The following NLRP5 variants were observed in gnomAD, a reference collection of about 807,000 sequenced individuals.
NLRP5 encodes NACHT, LRR and PYD domains-containing protein 5.
In NLRP5, 93 loss-of-function variants were observed where a neutral mutation model predicts 113.1. The ratio of observed to expected loss-of-function variants is 0.82; its 90% CI spans 0.70 to 0.98. NLRP5 has a LOEUF of 0.98. NLRP5 is among the 50% of genes least tolerant of loss of function. The pLI is 0.00. For missense variants in NLRP5, 1,808 were observed against 1,514.3 expected (o/e 1.19, Z -3.22); for synonymous variants, 751 against 600.7 (o/e 1.25, Z -3.66).
At chr19:56,050,297 A>T in intron 11 of NLRP5, 121 bp from the exon 12 acceptor site, 5 of 949,048 alleles carry the variant, frequency 5.3e-6, no homozygotes, top group Non-Finnish European at 7.7e-6. Context: ...AAGAAAAAAA[A>T]ACAAATATGA....
At position 56,034,385 on chromosome 19, in the gene NLRP5, T is replaced by C. The variant is rs1983236114; in HGVS notation, c.2615+676T>C. ...TGGGCAACAAGAGCAAAACTCTGTC[T>C]CAAAGGAAAAAAAGTGCCCTTCTGG... On this transcript the variant is annotated intron_variant, in intron 9 of 14. Coordinates refer to ENST00000390649, the MANE Select transcript of NLRP5 (RefSeq NM_153447.4). Among the ~76,000 whole-genome samples, 3 of 152,280 alleles carry C rather than the reference T, an allele frequency of 2.0e-5. No individual in the cohort carries two copies. In the South Asian group the frequency reaches 6.2e-4, roughly 32 times the overall value.
At chr19:56,010,499 C>CT (rs1982139412) in intron 3 of NLRP5, among the ~76,000 whole-genome samples, 1 of 151,894 alleles carries the variant, frequency 6.6e-6, no homozygotes, top group Admixed American at 6.6e-5. Context: ...AATCCCAGCA[C>CT]TTTGGGAGGC....
upstream of NLRP5, among the ~76,000 whole-genome samples, chr19:55,998,688 A>ATGTGTGTG (rs1210718419): frequency 6.0e-5 from 3 of 50,294 alleles, no homozygotes; most frequent in African/African-American, 2.0e-4. Flanking sequence ...ATATATATAT[A>ATGTGTGTG]TATATATATA....
intron 10 of NLRP5, among the ~76,000 whole-genome samples, chr19:56,038,801 C>T (rs1983413349): frequency 6.6e-6 from 1 of 152,190 alleles, no homozygotes; most frequent in Admixed American, 6.5e-5. Flanking sequence ...GCACCCCTAA[C>T]ACCTAAAGGG....
intron 7 of NLRP5, among the ~76,000 whole-genome samples, chr19:56,031,627 C>CAAAAAA (rs36019339): frequency 8.8e-6 from 1 of 113,180 alleles, no homozygotes; most frequent in Non-Finnish European, 1.9e-5. Context: ...ACTCCGTCTC[C>CAAAAAA]AAAAAAAAAA....
chr19:56,033,484 AATG>A, intron 8 of NLRP5, 55 bp from the exon 9 acceptor site: 1 of 1,338,444 alleles, frequency 7.5e-7, no homozygotes, highest in Non-Finnish European at 1.0e-6. Flanking sequence ...GGGAAGGAAA[AATG>A]AGGATACAAC....
At chr19:56,025,572 A>G (rs1366166333) in intron 6 of NLRP5, among the ~76,000 whole-genome samples, 3 of 31,604 alleles carry the variant, frequency 9.5e-5, no homozygotes, top group African/African-American at 3.1e-4. Context: ...TGTCTGGCTA[A>G]CTTTTTTTTT....
chr19:56,004,580 G>A (rs1357160022), intron 2 of NLRP5, among the ~76,000 whole-genome samples: 1 of 152,168 alleles, frequency 6.6e-6, no homozygotes, highest in Non-Finnish European at 1.5e-5. Flanking sequence ...TTGGCCGTGG[G>A]ATGAAGGACT....
At chr19:56,009,578 C>A (rs868621764) in intron 3 of NLRP5, among the ~76,000 whole-genome samples, 3 of 151,998 alleles carry the variant, frequency 2.0e-5, no homozygotes, top group African/African-American at 4.8e-5. Flanking sequence ...TACAATACAT[C>A]GTTGGCCAAA....
At chr19:56,039,201 C>T (rs1270864917) in intron 10 of NLRP5, among the ~76,000 whole-genome samples, 5 of 152,162 alleles carry the variant, frequency 3.3e-5, no homozygotes, top group Admixed American at 6.5e-5. Context: ...CACAGTTGGA[C>T]GGTGCTCAGA....
chr19:56,049,540 C>G (rs1983853893), intron 11 of NLRP5, among the ~76,000 whole-genome samples: 1 of 150,868 alleles, frequency 6.6e-6, no homozygotes, highest in Admixed American at 6.6e-5. Flanking sequence ...GAACTCTTGA[C>G]CTGGTGATCC....
intron 9 of NLRP5, among the ~76,000 whole-genome samples, chr19:56,034,838 G>T (rs1267815611): frequency 2.0e-5 from 3 of 152,190 alleles, no homozygotes; most frequent in Non-Finnish European, 4.4e-5. Context: ...TGGTTGGTTG[G>T]TCGGTCCCAG....
chr19:56,053,126 T>C (rs1256906614), intron 12 of NLRP5, among the ~76,000 whole-genome samples: 1 of 151,172 alleles, frequency 6.6e-6, no homozygotes, highest in African/African-American at 2.4e-5. Flanking sequence ...CTGGGCGTAG[T>C]GGCTCAAGCC....
intron 13 of NLRP5, 99 bp downstream of exon 13, chr19:56,053,907 A>C: frequency 8.8e-7 from 1 of 1,130,046 alleles, no homozygotes; most frequent in Non-Finnish European, 1.3e-6. Flanking sequence ...TCTGGTTTCC[A>C]TGAGTCCCTC....
intron 11 of NLRP5, among the ~76,000 whole-genome samples, chr19:56,048,984 T>TA (rs1253765469): frequency 4.8e-4 from 63 of 132,276 alleles, no homozygotes; most frequent in African/African-American, 1.8e-3. Context: ...TTTTAATTTT[T>TA]TTTTTTTTTT....
At chr19:56,038,875 G>T (rs1983416544) in intron 10 of NLRP5, among the ~76,000 whole-genome samples, 1 of 152,184 alleles carries the variant, frequency 6.6e-6, no homozygotes. Context: ...GCAGTGGTAA[G>T]ATCCTAGCTC....
chr19:56,009,728 C>T (rs556765259), intron 3 of NLRP5, among the ~76,000 whole-genome samples: 20 of 152,246 alleles, frequency 1.3e-4, no homozygotes, highest in Non-Finnish European at 2.2e-4. Context: ...CTACCTGCGC[C>T]GCTACCATCT....
At chr19:55,999,208 T>C (rs1055058192), upstream of NLRP5, among the ~76,000 whole-genome samples, 2 of 130,390 alleles carry the variant, frequency 1.5e-5, no homozygotes, top group Non-Finnish European at 3.3e-5. Context: ...TTTTTTTTCT[T>C]TTTCTTTTTT....
chr19:55,992,888 T>C, the NLRP5 span, among the ~76,000 whole-genome samples: 1 of 152,078 alleles, frequency 6.6e-6, no homozygotes, highest in Non-Finnish European at 1.5e-5. Flanking sequence ...TCGCTCTTGT[T>C]GCCCAGGCTG....
Sources: gnomAD v4.1 joint callset for allele counts (sites outside exome capture counted in the v4.1 genomes callset) on GRCh38, gnomAD v4.1.1 for gene constraint, MANE v1.5 for transcripts, NCBI Gene and HGNC (gene_info 2026-07-23, HGNC 2026-07-21) for gene names.